Variants in DYNC2H1 observed in about 807,000 individuals in gnomAD.
DYNC2H1 encodes the protein dynein cytoplasmic 2 heavy chain 1.
A neutral mutation model predicts 570.0 loss-of-function variants in DYNC2H1; 410 were observed. The observed-to-expected ratio is 0.72, with a 90% CI of 0.66 to 0.78. DYNC2H1 has a LOEUF of 0.78. Ranked by LOEUF, DYNC2H1 falls within the 30% of genes least tolerant of loss-of-function variation. The probability of loss-of-function intolerance (pLI) is 0.00; values close to 1 mark genes in which losing one functional copy is unlikely to be tolerated. For synonymous variants in DYNC2H1, 1,688 were observed against 1,677.6 expected (o/e 1.01, Z -0.15); for missense variants, 4,865 against 5,046.4 (o/e 0.96, Z 1.09).
chr11:103,165,238 G>A (rs1263556584), intron 30 of DYNC2H1, among the ~76,000 whole-genome samples: 3 of 152,080 alleles, frequency 2.0e-5, no homozygotes, highest in African/African-American at 4.8e-5. Flanking sequence ...AGCGATTCTC[G>A]TGCTTCAGCC....
At chr11:103,197,891 C>T (rs771654690) in intron 47 of DYNC2H1, 42 bp from the exon 48 acceptor site, 143 of 1,541,766 alleles carry the variant, frequency 9.3e-5, no homozygotes, top group Admixed American at 1.8e-4. Flanking sequence ...ACTCTCATTA[C>T]GAGTAATGCA....
intron 47 of DYNC2H1, 132 bp downstream of exon 47, chr11:103,192,396 G>A: frequency 1.6e-6 from 1 of 609,798 alleles, no homozygotes; most frequent in African/African-American, 1.9e-5. Flanking sequence ...TTTTCCGTAA[G>A]GTACAGCTCA....
intron 82 of DYNC2H1, among the ~76,000 whole-genome samples, chr11:103,345,943 G>A (rs529078907): frequency 1.3e-5 from 2 of 152,170 alleles, no homozygotes; most frequent in Admixed American, 6.5e-5. Context: ...ATATGTTTTT[G>A]TATAAGAGCT....
intron 87 of DYNC2H1, among the ~76,000 whole-genome samples, chr11:103,462,541 T>TTA (rs1224151888): frequency 2.6e-5 from 4 of 152,244 alleles, no homozygotes; most frequent in African/African-American, 9.6e-5. Flanking sequence ...TCTAATTTTG[T>TTA]TATTCCTTCC....
intron 82 of DYNC2H1, among the ~76,000 whole-genome samples, chr11:103,355,061 T>G (rs997030858): frequency 1.3e-5 from 2 of 152,146 alleles, no homozygotes; most frequent in African/African-American, 4.8e-5. Context: ...AAACTCTTAT[T>G]TATTATTTTA....
intron 79 of DYNC2H1, among the ~76,000 whole-genome samples, chr11:103,315,488 G>A (rs1320134753): frequency 6.6e-6 from 1 of 151,960 alleles, no homozygotes; most frequent in Non-Finnish European, 1.5e-5. Flanking sequence ...TTGAATGAGC[G>A]ATAAGCTTAG....
chr11:103,231,174 A>G lies in DYNC2H1; in HGVS notation c.9354-86A>G, dbSNP rs11225611. The G allele has an allele frequency of 0.14, 97,156 of 712,686 alleles. 7,983 individuals are homozygous for G. Among genetic ancestry groups the G allele is most frequent in the African/African-American group, 0.32 (17,656 of 54,876 alleles). 44.1% of individuals were successfully genotyped at this position (712,686 alleles called of 1,614,324 possible). A position where few individuals can be genotyped will look rare whatever the true frequency, so the allele number is the denominator to read the frequency against. On this transcript the variant is annotated intron_variant, in intron 59 of 88. Coordinates refer to ENST00000375735, the MANE Select transcript of DYNC2H1 (RefSeq NM_001377.3). Reference sequence around the variant, plus strand: ...TGAGTTACTGACAGTTTTAATTGTCATATGATTACATTTTAAGGTGCTGCT... The same window carrying G: ...TGAGTTACTGACAGTTTTAATTGTCGTATGATTACATTTTAAGGTGCTGCT...
chr11:103,142,633 TACTCC>T (rs1470936915), intron 17 of DYNC2H1, among the ~76,000 whole-genome samples: 1 of 152,220 alleles, frequency 6.6e-6, no homozygotes, highest in Non-Finnish European at 1.5e-5. Context: ...CGCACCACTG[TACTCC>T]AGGCTGGGTG....
chr11:103,358,379 T>G lies in DYNC2H1; in HGVS notation c.12156+20T>G. ...AACCAGGTTAGTAGTGGAATATTCT[T>G]CTGATTCTTTTGCTTTTTCTCCCGC... On this transcript the variant is annotated intron_variant, in intron 83 of 88. Transcript: ENST00000375735. 1 of 1,502,210 alleles carries G rather than the reference T, an allele frequency of 6.7e-7. No individual in the cohort carries two copies. The allele number at this position is 1,502,210 out of a possible 1,614,324, so 93.1% of individuals were successfully genotyped here.
chr11:103,361,667 GC>G (rs1940647457), intron 83 of DYNC2H1, among the ~76,000 whole-genome samples: 1 of 152,168 alleles, frequency 6.6e-6, no homozygotes, highest in African/African-American at 2.4e-5. Flanking sequence ...AGAGCAGATG[GC>G]AGCTTACATT....
Position 103,211,845 on chromosome 11 carries a change from G to T in DYNC2H1, c.8596G>T (p.Gly2866Cys). ...LLIHESCKAY[G>C]ATPSRYMTFL... ...AATCCATGAATCTTGTAAAGCATAT[G>T]GTGCTACACCAAGCCGATACATGAC... The change falls in exon 54 of 89, where the codon GGT becomes TGT. Residue 2866 changes from glycine to cysteine, a missense_variant. Gly to Cys is a radical substitution (Grantham distance 159). Transcript: ENST00000375735. The T allele has an allele frequency of 6.8e-7, 1 of 1,476,260 alleles. No individual in the cohort carries two copies. The highest frequency in any genetic ancestry group is 1.5e-5 in the South Asian group (1 of 66,936). The allele number at this position is 1,476,260 out of a possible 1,614,324, so 91.4% of individuals were successfully genotyped here. A position where few individuals can be genotyped will look rare whatever the true frequency, so the allele number is the denominator to read the frequency against.
At chr11:103,123,868 A>G (rs1053503704) in intron 11 of DYNC2H1, among the ~76,000 whole-genome samples, 11 of 151,234 alleles carry the variant, frequency 7.3e-5, no homozygotes, top group African/African-American at 2.7e-4. Flanking sequence ...TAGAATCATC[A>G]GTGTGTTTTT....
intron 85 of DYNC2H1, among the ~76,000 whole-genome samples, chr11:103,447,069 A>T (rs1394426012): frequency 1.3e-5 from 2 of 152,180 alleles, no homozygotes. Context: ...TAGAAAAGTC[A>T]GGGAAATGGT....
intron 22 of DYNC2H1, 126 bp downstream of exon 22, chr11:103,153,634 CA>C: frequency 1.1e-6 from 1 of 877,628 alleles, no homozygotes; most frequent in Non-Finnish European, 1.7e-6. Context: ...TTTTAAACTA[CA>C]AATAATAAGC....
At chr11:103,255,945 A>T (rs529737147) in intron 67 of DYNC2H1, among the ~76,000 whole-genome samples, 161 bp from the exon 68 acceptor site, 1 of 152,272 alleles carries the variant, frequency 6.6e-6, no homozygotes, top group Admixed American at 6.5e-5. Flanking sequence ...AGACTATAAT[A>T]AAAACAGAAT....
intron 73 of DYNC2H1, among the ~76,000 whole-genome samples, chr11:103,283,952 A>G (rs1766970402): frequency 6.6e-6 from 1 of 152,086 alleles, no homozygotes; most frequent in Non-Finnish European, 1.5e-5. Context: ...TTACTTGACC[A>G]AACTTTAGTC....
chr11:103,174,278 C>A (rs551085998), intron 36 of DYNC2H1, 108 bp downstream of exon 36: 2 of 778,258 alleles, frequency 2.6e-6, no homozygotes, highest in East Asian at 5.8e-5. Context: ...TTAAGGATTA[C>A]TGTATACCCT....
intron 42 of DYNC2H1, 112 bp from the exon 43 acceptor site, chr11:103,187,228 A>G: frequency 7.0e-7 from 1 of 1,428,922 alleles, no homozygotes; most frequent in Non-Finnish European, 9.4e-7. Context: ...TCCTATCATC[A>G]TATACATTTT....
At chr11:103,296,290 C>T (rs1866822833) in intron 75 of DYNC2H1, among the ~76,000 whole-genome samples, 1 of 152,148 alleles carries the variant, frequency 6.6e-6, no homozygotes, top group Admixed American at 6.5e-5. Flanking sequence ...GCTCTGCCTC[C>T]TTCTTAACTG....
Sources: gnomAD v4.1 joint callset for allele counts (sites outside exome capture counted in the v4.1 genomes callset) on GRCh38, gnomAD v4.1.1 for gene constraint, MANE v1.5 for transcripts, NCBI Gene and HGNC (gene_info 2026-07-23, HGNC 2026-07-21) for gene names.